Variants in DMBT1 observed in about 807,000 individuals in gnomAD.
DMBT1 encodes the protein scavenger receptor cysteine-rich domain-containing protein DMBT1.
DMBT1 carries 198 observed loss-of-function variants against 252.9 expected under a neutral mutation model. The ratio of observed to expected loss-of-function variants is 0.78; its 90% CI spans 0.70 to 0.88. DMBT1 has a LOEUF of 0.88. DMBT1 is among the 40% of genes least tolerant of loss of function. DMBT1 has a pLI of 0.00. For synonymous variants in DMBT1, 990 were observed against 942.7 expected (o/e 1.05, Z -0.92); for missense variants, 2,432 against 2,404.7 (o/e 1.01, Z -0.24).
chr10:122,598,675 G>C lies in DMBT1; in HGVS notation c.2957-99G>C, dbSNP rs1006008690. 3.2e-6 allele frequency: 5 copies of C among 1,583,728 alleles called. No individual in the cohort carries two copies. In the Admixed American group the frequency reaches 7.0e-5, roughly 22 times the overall value. On this transcript the variant is annotated intron_variant, in intron 25 of 55. Transcript: ENST00000338354. ...TATTCAAAGGTGACTGCCTGCCCAG[G>C]TGACTTTAGCCATTAGGACATGCCT...
intron 2 of DMBT1, among the ~76,000 whole-genome samples, chr10:122,567,481 G>T (rs1233982968): frequency 6.6e-6 from 1 of 152,106 alleles, no homozygotes; most frequent in African/African-American, 2.4e-5. Context: ...GGTCCAGCTG[G>T]CCTTTCCTCC....
intron 52 of DMBT1, among the ~76,000 whole-genome samples, chr10:122,634,895 C>T (rs1247925654): frequency 1.3e-5 from 2 of 152,246 alleles, no homozygotes; most frequent in Non-Finnish European, 2.9e-5. Context: ...CAAGGGGCTA[C>T]ACTAATTTCT....
In DMBT1 at chr10:122,593,512, G is replaced by A; in HGVS notation, c.2501-57G>A. On this transcript the variant is annotated intron_variant, in intron 20 of 55. Coordinates refer to ENST00000338354, the MANE Select transcript of DMBT1 (RefSeq NM_001377530.1). ...CTCATTTCTTTCCCTCCTCGTTCCA[G>A]TTTTGCCGACTTCTGTGTAATGTTC... The A allele has an allele frequency of 1.9e-6, 3 of 1,559,782 alleles. 1 individual carries two copies. The highest frequency in any genetic ancestry group is 1.7e-5 in the Admixed American group (1 of 58,856).
rs2098016101 is a variant in DMBT1, at chr10:122,618,083, T to G, written c.4958T>G (p.Val1653Gly). Residue 1653 changes from valine to glycine, a missense_variant, in exon 41 of 56, where the codon GTC becomes GGC. Val to Gly is a moderately radical substitution (Grantham distance 109). Around this residue, in one of 3 missense-constraint regions of DMBT1, gnomAD observed 1,162 missense variants for 1,169.0 expected, o/e 0.99. Coordinates refer to ENST00000338354, the MANE Select transcript of DMBT1 (RefSeq NM_001377530.1). ...GGDRCRGRVE[V>G]LYQGSWGTVC... ...GACAGGTGTCGAGGCCGAGTGGAGG[T>G]CCTATACCAAGGCTCCTGGGGCACC... 6.2e-7 allele frequency: 1 copy of G among 1,613,618 alleles called. No individual in the cohort carries two copies. The highest frequency in any genetic ancestry group is 8.5e-7 in the Non-Finnish European group (1 of 1,179,822).
In DMBT1 at chr10:122,592,576, T is replaced by A. The variant is rs766034913; in HGVS notation, c.2481T>A (p.Asp827Glu). ...CCCACAACTGTGGCCATCATGAAGA[T>A]GCTGGTGTCATCTGCTCAGGTGGGC... ...WLSHNCGHHEDAGVICSVSQS... is the reference protein window; with the variant it reads ...WLSHNCGHHEEAGVICSVSQS... The change falls in exon 20 of 56, where the codon GAT becomes GAA. Residue 827 changes from aspartate to glutamate, a missense_variant. Asp to Glu is a conservative substitution (Grantham distance 45). Transcript: ENST00000338354. 1 of 1,588,420 alleles carries A rather than the reference T, an allele frequency of 6.3e-7. No individual in the cohort carries two copies. The highest frequency in any genetic ancestry group is 1.3e-5 in the African/African-American group (1 of 74,606).
chr10:122,634,964 G>A (rs2098214477), intron 52 of DMBT1, among the ~76,000 whole-genome samples: 1 of 152,166 alleles, frequency 6.6e-6, no homozygotes, highest in South Asian at 2.1e-4. Flanking sequence ...TTTGCAGTGG[G>A]CTTTGGAGTC....
chr10:122,570,045 T>C (rs1591165781), intron 2 of DMBT1, 117 bp from the exon 3 acceptor site: 2 of 957,066 alleles, frequency 2.1e-6, no homozygotes, highest in East Asian at 2.4e-5. Context: ...CTTTTAGCAA[T>C]GGAGGGTGCC....
At chr10:122,620,974 G>A in intron 43 of DMBT1, 83 bp from the exon 44 acceptor site, 1 of 1,586,312 alleles carries the variant, frequency 6.3e-7, no homozygotes, top group Non-Finnish European at 8.6e-7. Flanking sequence ...TTGGCCATTA[G>A]GAAGTGCCCT....
intron 6 of DMBT1, among the ~76,000 whole-genome samples, chr10:122,575,196 T>C (rs2133538977): frequency 6.6e-6 from 1 of 152,306 alleles, no homozygotes; most frequent in South Asian, 2.1e-4. Context: ...GTACTGGAGG[T>C]AGTAGCCAAT....
intron 6 of DMBT1, among the ~76,000 whole-genome samples, chr10:122,574,474 C>T (rs930975459): frequency 1.4e-4 from 22 of 152,146 alleles, no homozygotes; most frequent in African/African-American, 2.9e-4. Flanking sequence ...GTACATGCAT[C>T]GGGCCCTCCT....
chr10:122,564,136 A>G (rs1164895907), intron 1 of DMBT1, among the ~76,000 whole-genome samples: 1 of 152,230 alleles, frequency 6.6e-6, no homozygotes, highest in Middle Eastern at 3.2e-3. Context: ...CTAAGCCATC[A>G]ATATGAAGCA....
chr10:122,619,260 T>G (rs41290628), intron 41 of DMBT1, 48 bp from the exon 42 acceptor site: 1 of 1,613,416 alleles, frequency 6.2e-7, no homozygotes, highest in Non-Finnish European at 8.5e-7. Flanking sequence ...AGTTTTGCCA[T>G]TTTCTGTATA....
chr10:122,619,412 TCTC>T lies in DMBT1; in HGVS notation c.5245+78_5245+80del, dbSNP rs2098039233. 1.4e-5 allele frequency: 23 copies of T among 1,587,538 alleles called. No homozygotes were observed. In the South Asian group the frequency reaches 2.3e-4, roughly 16 times the overall value. ...TTACCTCTTCCCCACTCCACAGAGC[TCTC>T]CTGCTTTTCTGTGCGGATACTGTGG... On this transcript the variant is annotated intron_variant, in intron 42 of 55. Transcript: ENST00000338354.
Position 122,619,315 on chromosome 10 carries a change from G to C in DMBT1, c.5223G>C (p.Gln1741His). 3 of 1,613,914 alleles carry C rather than the reference G, an allele frequency of 1.9e-6. No homozygotes were observed. Among genetic ancestry groups the C allele is most frequent in the Non-Finnish European group, 2.5e-6 (3 of 1,179,858 alleles). The change falls in exon 42 of 56, where the codon CAG becomes CAC. Residue 1741 changes from glutamine (Q) to histidine (H), a missense_variant. Gln to His is a conservative substitution (Grantham distance 24). This residue lies in a region of DMBT1 where 1,162 missense variants were observed against 1,169.0 expected (regional missense o/e 0.99). Coordinates refer to ENST00000338354, the MANE Select transcript of DMBT1 (RefSeq NM_001377530.1). ...EDAGVICSAA[Q>H]SQSTPRPDTW... ...CTCTTCTCTTTCTCACAGCTGCTCA[G>C]TCCCAGTCAACGCCCAGGCCAGGTG... is the stretch of plus-strand genomic sequence containing the variant.
chr10:122,620,690 G>C (rs184763026), intron 43 of DMBT1, among the ~76,000 whole-genome samples: 7 of 152,346 alleles, frequency 4.6e-5, no homozygotes, highest in Admixed American at 2.6e-4. Context: ...CTAGAAGCCA[G>C]AGAGGATCAT....
At chr10:122,600,026 A>G in intron 26 of DMBT1, 38 bp from the exon 27 acceptor site, 2 of 1,607,174 alleles carry the variant, frequency 1.2e-6, no homozygotes, top group Non-Finnish European at 1.7e-6. Flanking sequence ...ACTTCTGTGT[A>G]ATGTTCCTGA....
At chr10:122,621,805 C>A (rs1235389136) in intron 44 of DMBT1, among the ~76,000 whole-genome samples, 2 of 152,142 alleles carry the variant, frequency 1.3e-5, no homozygotes, top group African/African-American at 4.8e-5. Context: ...TCACTTGAGG[C>A]CCCAGTAAGG....
intron 1 of DMBT1, 36 bp downstream of exon 1, chr10:122,560,867 T>A (rs1565493975): frequency 6.7e-7 from 1 of 1,500,848 alleles, no homozygotes; most frequent in East Asian, 2.5e-5. Flanking sequence ...TTAATTTCTC[T>A]CCTGCAGACC....
chr10:122,576,529 G>A lies in DMBT1; in HGVS notation c.414G>A (p.Val138=), dbSNP rs764692809. 9.3e-6 allele frequency: 15 copies of A among 1,613,878 alleles called. No individual in the cohort carries two copies. In the East Asian group the frequency reaches 3.3e-4, roughly 36 times the overall value. The part of the protein sequence containing the change: ...DDSWDTNDAN[V]VCRQLGCGWA... ...GCTGGGACACCAATGATGCCAACGTGGTCTGTAGGCAGCTGGGTTGTGGCT... is the reference window on the plus strand; with the variant it reads ...GCTGGGACACCAATGATGCCAACGTAGTCTGTAGGCAGCTGGGTTGTGGCT... The change falls in exon 7 of 56, where the codon GTG becomes GTA. Residue 138 remains valine (V), a synonymous_variant. Coordinates refer to ENST00000338354, the MANE Select transcript of DMBT1 (RefSeq NM_001377530.1).
Sources: gnomAD v4.1 joint callset for allele counts (sites outside exome capture counted in the v4.1 genomes callset) on GRCh38, gnomAD v4.1.1 for gene constraint, gnomAD v4.1.1 regional missense constraint, MANE v1.5 for transcripts, NCBI Gene and HGNC (gene_info 2026-07-23, HGNC 2026-07-21) for gene names.